The following NRG1 variants were observed in gnomAD, a reference collection of about 807,000 sequenced individuals.
The protein encoded by NRG1 is neuregulin 1, also known as pro-neuregulin-1, membrane-bound isoform.
Under a neutral mutation model 63.8 loss-of-function variants are expected in NRG1, and 18 were observed. The observed-to-expected ratio is 0.28, with a 90% CI of 0.19 to 0.42. The LOEUF is 0.42. NRG1 is among the 10% of genes least tolerant of loss of function. NRG1 has a pLI of 1.00. For missense variants in NRG1, 762 were observed against 814.7 expected (o/e 0.94, Z 0.79); for synonymous variants, 302 against 301.3 (o/e 1.00, Z -0.02).
chr8:32,232,549 A>G (rs1235541154), intron 1 of NRG1, among the ~76,000 whole-genome samples: 5 of 152,288 alleles, frequency 3.3e-5, no homozygotes, highest in South Asian at 4.1e-4. Flanking sequence ...TCACAGGGAA[A>G]GAAACCTGGC....
At chr8:32,668,478 G>T (rs1473398218) in intron 5 of NRG1, among the ~76,000 whole-genome samples, 1 of 152,174 alleles carries the variant, frequency 6.6e-6, no homozygotes, top group East Asian at 1.9e-4. Context: ...TACTGGGGAT[G>T]AAGTACATGG....
rs181533407 is a variant in NRG1 at position 31,824,888 on chromosome 8, A to G, written c.37+185457A>G. 2.8e-3 allele frequency among the ~76,000 whole-genome samples: 427 copies of G among 152,354 alleles called. 9 individuals carry two copies. Among genetic ancestry groups the G allele is most frequent in the Admixed American group, 0.025 (378 of 15,306 alleles). On this transcript the variant is annotated intron_variant, in intron 1 of 10. Transcript: ENST00000519301. ...AATCCACTTCTACACCACATAAGTA[A>G]TATTTCTTACTGAGAGTCACTGAAG...
At chr8:31,742,413 G>T (rs893981650) in intron 1 of NRG1, among the ~76,000 whole-genome samples, 1 of 143,314 alleles carries the variant, frequency 7.0e-6, no homozygotes, top group Non-Finnish European at 1.5e-5. Context: ...AAAGAAAATA[G>T]GAATGATATG....
At chr8:32,501,403 C>T (rs1173720721) in intron 1 of NRG1, among the ~76,000 whole-genome samples, 2 of 152,206 alleles carry the variant, frequency 1.3e-5, no homozygotes, top group Admixed American at 1.3e-4. Flanking sequence ...TTTGACAGTG[C>T]TTCCCATGCA....
intron 1 of NRG1, among the ~76,000 whole-genome samples, chr8:32,060,511 A>G (rs1352363047): frequency 6.6e-6 from 1 of 151,966 alleles, no homozygotes; most frequent in African/African-American, 2.4e-5. Flanking sequence ...AGAGAAGAAC[A>G]AACAATAATT....
chr8:31,857,094 G>T (rs1371187627), intron 1 of NRG1, among the ~76,000 whole-genome samples: 2 of 152,236 alleles, frequency 1.3e-5, no homozygotes, highest in Non-Finnish European at 2.9e-5. Flanking sequence ...CCCAGAGGTG[G>T]AGCCTACAGA....
At chr8:32,498,392 G>A (rs964314055) in intron 1 of NRG1, among the ~76,000 whole-genome samples, 1 of 152,160 alleles carries the variant, frequency 6.6e-6, no homozygotes, top group Non-Finnish European at 1.5e-5. Context: ...GTTCTGCAGG[G>A]CGTGGAGGCC....
At chr8:31,911,841 T>C (rs1384069010) in intron 1 of NRG1, among the ~76,000 whole-genome samples, 1 of 152,208 alleles carries the variant, frequency 6.6e-6, no homozygotes, top group Non-Finnish European at 1.5e-5. Context: ...CTGTGGAATC[T>C]CTTGATTTGT....
chr8:32,481,902 T>C (rs1825332769), intron 1 of NRG1, among the ~76,000 whole-genome samples: 1 of 152,190 alleles, frequency 6.6e-6, no homozygotes, highest in East Asian at 1.9e-4. Context: ...ATGCCCAGCT[T>C]GTTGGGGGGT....
chr8:32,404,135 G>A (rs1183892396), intron 1 of NRG1, among the ~76,000 whole-genome samples: 1 of 152,214 alleles, frequency 6.6e-6, no homozygotes, highest in Non-Finnish European at 1.5e-5. Flanking sequence ...GATGAAGAGA[G>A]AAGACCCTGG....
rs139146395 is a variant in NRG1, at chr8:32,154,172, C to A, written c.38-441656C>A. On this transcript the variant is annotated intron_variant, in intron 1 of 10. Coordinates refer to the NRG1 transcript ENST00000519301. ...GAGGCAAGACCTCCAAGTAGATCTG[C>A]AAGCTCTGAACCAAGTGACCTATCT... 1.2e-3 allele frequency among the ~76,000 whole-genome samples: 179 copies of A among 152,270 alleles called. 1 individual carries two copies. Among genetic ancestry groups the A allele is most frequent in the Admixed American group, 3.7e-3 (57 of 15,294 alleles).
At chr8:31,729,435 C>T (rs1338443890) in intron 1 of NRG1, among the ~76,000 whole-genome samples, 1 of 151,880 alleles carries the variant, frequency 6.6e-6, no homozygotes, top group African/African-American at 2.4e-5. Context: ...AATAGGGTCA[C>T]AAAAATTTAC....
intron 7 of NRG1, among the ~76,000 whole-genome samples, chr8:32,748,113 A>G (rs771401813): frequency 1.3e-5 from 2 of 152,082 alleles, no homozygotes; most frequent in African/African-American, 2.4e-5. Context: ...TTCCCTCTCT[A>G]TATGAGGTAC....
chr8:32,271,427 G>A lies in NRG1; in HGVS notation c.38-324401G>A, dbSNP rs372226006. On this transcript the variant is annotated intron_variant, in intron 1 of 10. Coordinates refer to the NRG1 transcript ENST00000519301. Reference sequence around the variant, plus strand: ...GGCATAGAAGAGGAGAAGAGACTGAGTATTTGTCACCACGTAAATTCCTGG... The same window carrying A: ...GGCATAGAAGAGGAGAAGAGACTGAATATTTGTCACCACGTAAATTCCTGG... 9.2e-5 allele frequency among the ~76,000 whole-genome samples: 14 copies of A among 152,288 alleles called. 1 individual carries two copies. Among genetic ancestry groups the A allele is most frequent in the African/African-American group, 3.4e-4 (14 of 41,574 alleles).
intron 1 of NRG1, among the ~76,000 whole-genome samples, chr8:32,166,548 A>T (rs1266018664): frequency 6.6e-6 from 1 of 152,162 alleles, no homozygotes; most frequent in African/African-American, 2.4e-5. Flanking sequence ...GCTTGGCAGG[A>T]ATTGTCCACT....
chr8:31,979,703 A>C (rs1189606226), intron 1 of NRG1, among the ~76,000 whole-genome samples: 1 of 152,082 alleles, frequency 6.6e-6, no homozygotes, highest in East Asian at 1.9e-4. Flanking sequence ...ATTGCCTCAT[A>C]TGCCTGTATT....
intron 2 of NRG1, among the ~76,000 whole-genome samples, chr8:32,598,232 CT>C (rs1373588735): frequency 6.6e-6 from 1 of 151,774 alleles, no homozygotes; most frequent in East Asian, 1.9e-4. Flanking sequence ...TATTGAAACA[CT>C]GTTAGAGCAG....
At chr8:32,605,708 T>C (rs747465566) in intron 3 of NRG1, 25 bp downstream of exon 3, 2 of 1,610,462 alleles carry the variant, frequency 1.2e-6, no homozygotes, top group Non-Finnish European at 1.7e-6. Context: ...CGGTATTCTG[T>C]TCCTCAATCT....
At chr8:31,859,588 A>G (rs1228178916) in intron 1 of NRG1, among the ~76,000 whole-genome samples, 3 of 152,226 alleles carry the variant, frequency 2.0e-5, no homozygotes, top group African/African-American at 7.2e-5. Context: ...ATTAAAAATA[A>G]CTTCTGCATA....
Sources: gnomAD v4.1 joint callset for allele counts (sites outside exome capture counted in the v4.1 genomes callset) on GRCh38, gnomAD v4.1.1 for gene constraint, MANE v1.5 for transcripts, NCBI Gene and HGNC (gene_info 2026-07-23, HGNC 2026-07-21) for gene names.